The following HPR variants were observed in gnomAD, a reference collection of about 807,000 sequenced individuals.
The protein encoded by HPR is haptoglobin-related protein, also known as Haptoglobin-related locus.
Under a neutral mutation model 18.5 loss-of-function variants are expected in HPR, and 17 were observed. The observed-to-expected ratio is 0.92, with a 90% CI of 0.63 to 1.38. The LOEUF (loss-of-function observed/expected upper bound fraction) is 1.38. Ranked by LOEUF, HPR falls within the 40% of genes most tolerant of loss-of-function variation. The pLI is 0.00. For missense variants in HPR, 457 were observed against 432.4 expected, an observed-to-expected ratio of 1.06 and a Z score of -0.51; for synonymous variants, 176 against 165.0, an observed-to-expected ratio of 1.07 and a Z score of -0.51.
chr16:72,071,060 T>C (rs768323289), intron 1 of HPR, among the ~76,000 whole-genome samples: 2 of 151,938 alleles, frequency 1.3e-5, no homozygotes, highest in Non-Finnish European at 2.9e-5. Flanking sequence ...GGAGCAAATG[T>C]TACAAAACAA....
chr16:72,074,858 C>T (rs2041700727), intron 3 of HPR: 1 of 650,724 alleles, frequency 1.5e-6, no homozygotes, highest in Admixed American at 2.6e-5. Context: ...ATTCAGGTGG[C>T]CTGTAAGAGG....
At chr16:72,074,552 C>G (rs556829573) in intron 3 of HPR, 167 bp downstream of exon 3, 39 of 747,310 alleles carry the variant, frequency 5.2e-5, no homozygotes, top group East Asian at 2.9e-4. Context: ...GCCCTTTGGG[C>G]AGACTAACTT....
At chr16:72,075,799 T>C (rs1331771653) in intron 4 of HPR, among the ~76,000 whole-genome samples, 3 of 152,164 alleles carry the variant, frequency 2.0e-5, no homozygotes, top group Non-Finnish European at 4.4e-5. Flanking sequence ...TGATGAATTA[T>C]TGTAGCTCCT....
intron 1 of HPR, among the ~76,000 whole-genome samples, chr16:72,066,346 C>T (rs554065724): frequency 7.0e-4 from 107 of 152,194 alleles, no homozygotes; most frequent in African/African-American, 2.5e-3. Context: ...ATCTTCTTTT[C>T]AGGGGAGGAA....
chr16:72,074,348 G>T lies in HPR; in HGVS notation c.156G>T (p.Gln52His). Residue 52 changes from glutamine (Q) to histidine (H), a missense_variant, in exon 3 of 5, where the codon CAG (glutamine) becomes CAT (histidine). Gln to His is a conservative substitution (Grantham distance 24). Coordinates refer to ENST00000540303, the MANE Select transcript of HPR (RefSeq NM_020995.4). ...ATGTGGAGCACTTGTTTCGCTACCA[G>T]TGTAAGAACTACTACAGACTGCGCA... ...NGYVEHLFRY[Q>H]CKNYYRLRTE... 1 of 1,614,056 alleles carries T rather than the reference G, an allele frequency of 6.2e-7. No individual in the cohort carries two copies. Among genetic ancestry groups the T allele is most frequent in the African/African-American group, 1.3e-5 (1 of 75,044 alleles).
At position 72,076,127 on chromosome 16, in the gene HPR, A is replaced by T. The variant is rs1012995494; in HGVS notation, c.269-176A>T. Among the ~76,000 whole-genome samples the T allele has an allele frequency of 2.2e-4, 34 of 152,300 alleles. 2 individuals are homozygous for T. Among genetic ancestry groups the T allele is most frequent in the Admixed American group, 1.0e-3 (16 of 15,304 alleles). On this transcript the variant is annotated intron_variant, in intron 4 of 4. Coordinates refer to ENST00000540303, the MANE Select transcript of HPR (RefSeq NM_020995.4). The stretch of plus-strand genomic sequence containing the variant: ...AGAGCTTTTTGTAATGTAAACAATT[A>T]AAAAAATTATTTTAAAACTGCAACT...
At chr16:72,069,844 T>C (rs1380701447) in intron 1 of HPR, among the ~76,000 whole-genome samples, 2 of 152,178 alleles carry the variant, frequency 1.3e-5, no homozygotes, top group Non-Finnish European at 2.9e-5. Flanking sequence ...TTATTAGTAA[T>C]AATAGACCAC....
intron 2 of HPR, 47 bp from the exon 3 acceptor site, chr16:72,074,237 G>C (rs754080492): frequency 2.6e-6 from 4 of 1,555,388 alleles, no homozygotes; most frequent in East Asian, 4.5e-5. Flanking sequence ...TGGGTCTCTG[G>C]GAACAATTTC....
chr16:72,071,319 T>A (rs1278044305), intron 1 of HPR, among the ~76,000 whole-genome samples: 16 of 152,230 alleles, frequency 1.1e-4, no homozygotes, highest in Admixed American at 9.8e-4. Context: ...ATATTCCATC[T>A]GCACTTTAAA....
At chr16:72,064,784 G>T (rs1323239228) in intron 1 of HPR, among the ~76,000 whole-genome samples, 1 of 152,146 alleles carries the variant, frequency 6.6e-6, no homozygotes, top group Non-Finnish European at 1.5e-5. Context: ...CAACAAATTT[G>T]GTGGCCCATA....
At chr16:72,073,013 C>G (rs1200922662) in intron 1 of HPR, among the ~76,000 whole-genome samples, 1 of 152,116 alleles carries the variant, frequency 6.6e-6, no homozygotes, top group Non-Finnish European at 1.5e-5. Context: ...TCTATAGAGC[C>G]CACATTCCAC....
chr16:72,074,043 G>C, intron 2 of HPR, 66 bp downstream of exon 2: 1 of 1,596,396 alleles, frequency 6.3e-7, no homozygotes, highest in Non-Finnish European at 8.6e-7. Context: ...TGACTCTCTC[G>C]GGTCTGCATT....
chr16:72,065,837 C>G (rs1213040402), intron 1 of HPR, among the ~76,000 whole-genome samples: 1 of 152,142 alleles, frequency 6.6e-6, no homozygotes, highest in Non-Finnish European at 1.5e-5. Flanking sequence ...AAGCCGACTC[C>G]CACACCTAAA....
At chr16:72,067,709 T>C (rs961451759) in intron 1 of HPR, among the ~76,000 whole-genome samples, 10 of 152,134 alleles carry the variant, frequency 6.6e-5, no homozygotes, top group Non-Finnish European at 8.8e-5. Context: ...CTAAAACCTA[T>C]AATTGAAAGT....
intron 1 of HPR, among the ~76,000 whole-genome samples, chr16:72,063,516 G>C (rs1021159160): frequency 6.6e-6 from 1 of 152,062 alleles, no homozygotes; most frequent in Non-Finnish European, 1.5e-5. Context: ...TCTTTGTAGG[G>C]TATGTCATCA....
chr16:72,069,478 C>T (rs1209591587), intron 1 of HPR, among the ~76,000 whole-genome samples: 1 of 152,118 alleles, frequency 6.6e-6, no homozygotes, highest in African/African-American at 2.4e-5. Flanking sequence ...TTTTTCTCTT[C>T]CATTGAAAAA....
intron 1 of HPR, among the ~76,000 whole-genome samples, chr16:72,072,446 G>A (rs2041667674): frequency 6.6e-6 from 1 of 152,186 alleles, no homozygotes; most frequent in Admixed American, 6.5e-5. Context: ...GTCATTATCG[G>A]AACCCGATGC....
Position 72,063,293 on chromosome 16 carries a change from C to T in HPR, c.5+33C>T, listed in dbSNP as rs376756183. ...CACAGCTTTCCCTCCTGCCTTTCCTCTGGTTCTTTATTTCAGTCTTTTTTG... is the reference window on the plus strand; with the variant it reads ...CACAGCTTTCCCTCCTGCCTTTCCTTTGGTTCTTTATTTCAGTCTTTTTTG... On this transcript the variant is annotated intron_variant, in intron 1 of 4. Coordinates refer to ENST00000540303, the MANE Select transcript of HPR (RefSeq NM_020995.4). 372 of 1,571,152 alleles carry T rather than the reference C, an allele frequency of 2.4e-4. 5 individuals carry two copies. Among genetic ancestry groups the T allele is most frequent in the Admixed American group, 3.7e-4 (21 of 57,470 alleles).
At chr16:72,066,983 A>T (rs1164397299) in intron 1 of HPR, among the ~76,000 whole-genome samples, 1 of 152,196 alleles carries the variant, frequency 6.6e-6, no homozygotes, top group Non-Finnish European at 1.5e-5. Flanking sequence ...AGAGGACCCA[A>T]GTCTACATTT....
Sources: gnomAD v4.1 joint callset for allele counts (sites outside exome capture counted in the v4.1 genomes callset) on GRCh38, gnomAD v4.1.1 for gene constraint, MANE v1.5 for transcripts, NCBI Gene and HGNC (gene_info 2026-07-23, HGNC 2026-07-21) for gene names.